Variants in FKBP9 observed in about 807,000 individuals in gnomAD.
The protein encoded by FKBP9 is peptidyl-prolyl cis-trans isomerase FKBP9.
In FKBP9, 27 loss-of-function variants were observed where a neutral mutation model predicts 55.6. The observed-to-expected ratio is 0.49, with a 90% CI of 0.36 to 0.67. The LOEUF is 0.67. Among genes scored for constraint, FKBP9 ranks in the 30% least tolerant of loss-of-function variants. The probability of loss-of-function intolerance (pLI) is 0.00; values close to 1 mark genes in which losing one functional copy is unlikely to be tolerated. For missense variants in FKBP9, 539 were observed against 742.8 expected, an observed-to-expected ratio of 0.73 and a Z score of 3.19; for synonymous variants, 267 against 296.5, an observed-to-expected ratio of 0.90 and a Z score of 1.02.
rs370178233 is a variant in FKBP9, at chr7:32,968,255, G to A, written c.222-6362G>A. ...GGTGTTTCACCAGGTTGCCTAGGCT[G>A]GTCTTGAACTCTTGGGCTCAAGCTT... is the stretch of plus-strand genomic sequence containing the variant. On this transcript the variant is annotated intron_variant, in intron 1 of 9. Coordinates refer to ENST00000242209, the MANE Select transcript of FKBP9 (RefSeq NM_007270.5). 1.6e-4 allele frequency among the ~76,000 whole-genome samples: 24 copies of A among 152,330 alleles called. No individual in the cohort carries two copies. In the East Asian group the frequency reaches 4.1e-3, roughly 26 times the overall value.
intron 1 of FKBP9, among the ~76,000 whole-genome samples, chr7:32,965,832 T>TATATATGTACAC (rs1554284331): frequency 2.3e-5 from 1 of 43,476 alleles, no homozygotes; most frequent in Non-Finnish European, 4.3e-5. Flanking sequence ...TATATATATA[T>TATATATGTACAC]ATATATATAT....
At chr7:32,973,688 T>G (rs1405326518) in intron 1 of FKBP9, among the ~76,000 whole-genome samples, 2 of 74,482 alleles carry the variant, frequency 2.7e-5, no homozygotes, top group African/African-American at 1.4e-4. Flanking sequence ...TGTTGTTTTT[T>G]TTTTTTTTTT....
intron 5 of FKBP9, among the ~76,000 whole-genome samples, chr7:32,983,897 G>A (rs549349682): frequency 3.9e-5 from 6 of 151,934 alleles, no homozygotes; most frequent in Non-Finnish European, 7.4e-5. Context: ...TTCTATTTAG[G>A]GCATTGGCAT....
intron 1 of FKBP9, among the ~76,000 whole-genome samples, chr7:32,959,612 A>G (rs185126595): frequency 6.6e-6 from 1 of 151,944 alleles, no homozygotes; most frequent in African/African-American, 2.4e-5. Context: ...TCACTCCCCA[A>G]CCCCAGTTAG....
At chr7:33,003,489 A>C (rs1239965321) in intron 9 of FKBP9, among the ~76,000 whole-genome samples, 1 of 152,142 alleles carries the variant, frequency 6.6e-6, no homozygotes, top group Non-Finnish European at 1.5e-5. Context: ...CAAAAACTTC[A>C]AAAGAATTGT....
chr7:33,002,976 C>T (rs1257316732), intron 9 of FKBP9, 137 bp downstream of exon 9: 28 of 742,394 alleles, frequency 3.8e-5, no homozygotes, highest in East Asian at 5.4e-5. Flanking sequence ...GACCAGCACA[C>T]TTGTGTGCCA....
intron 4 of FKBP9, chr7:32,979,339 T>A (rs769805253): frequency 1.5e-5 from 9 of 613,256 alleles, no homozygotes; most frequent in Non-Finnish European, 2.6e-5. Context: ...TTCTCTTAAA[T>A]GAAAAGATAC....
rs760957917 is a variant in FKBP9 at position 32,988,631 on chromosome 7, G to A, written c.1018G>A (p.Gly340Arg). Residue 340 changes from glycine to arginine, a missense_variant, in exon 6 of 10, where the codon GGG becomes AGG. Transcript: ENST00000242209. The stretch of plus-strand genomic sequence containing the variant: ...AAGGATTGTGGTCCCGCCTCACCTG[G>A]GGTATGGAGAGGAAGGAAGAGGTGA... ...KRRIVVPPHL[G>R]YGEEGRGNIP... is the part of the protein sequence containing the mutation. 1 of 1,613,938 alleles carries A rather than the reference G, an allele frequency of 6.2e-7. No individual in the cohort carries two copies. The highest frequency in any genetic ancestry group is 2.2e-5 in the East Asian group (1 of 44,872).
chr7:32,975,134 C>A (rs750618096), intron 2 of FKBP9, 48 bp from the exon 3 acceptor site: 1 of 1,502,498 alleles, frequency 6.7e-7, no homozygotes, highest in African/African-American at 1.4e-5. Flanking sequence ...ATTTATCTGG[C>A]CTGAAAGGCA....
intron 6 of FKBP9, 35 bp from the exon 7 acceptor site, chr7:32,996,128 G>A (rs762869610): frequency 1.9e-6 from 3 of 1,602,922 alleles, no homozygotes; most frequent in Admixed American, 1.7e-5. Flanking sequence ...CAGCCTGCAG[G>A]GGTCATTCAT....
intron 1 of FKBP9, among the ~76,000 whole-genome samples, chr7:32,962,302 GA>G (rs1395379378): frequency 6.6e-6 from 1 of 152,146 alleles, no homozygotes; most frequent in Non-Finnish European, 1.5e-5. Flanking sequence ...GCTGAGGCAG[GA>G]GAATCGCTTG....
At chr7:32,992,780 C>T (rs1784710327) in intron 6 of FKBP9, 1 of 224,958 alleles carries the variant, frequency 4.4e-6, no homozygotes, top group African/African-American at 2.2e-5. Context: ...CATGACCAGG[C>T]CCTGCTCACG....
In FKBP9 at chr7:33,000,213, G is replaced by A. The variant is rs771054225; in HGVS notation, c.1325G>A (p.Arg442Gln). ...AGAGAGATGTGCGTTGGCGAGAAACGGACAGTGATCATTCCGCCTCACCTG... is the reference window on the plus strand; with the variant it reads ...AGAGAGATGTGCGTTGGCGAGAAACAGACAGTGATCATTCCGCCTCACCTG... Reference protein sequence around the residue: ...GLREMCVGEKRTVIIPPHLGY... With the variant: ...GLREMCVGEKQTVIIPPHLGY... Residue 442 changes from arginine (R) to glutamine (Q), a missense_variant, in exon 8 of 10, where the codon CGG (arginine) becomes CAG (glutamine). Physicochemically the swap from Arg to Gln is conservative, Grantham distance 43. Around this residue, in one of 4 missense-constraint regions of FKBP9, gnomAD observed 102 missense variants for 200.7 expected, o/e 0.51. Coordinates refer to ENST00000242209, the MANE Select transcript of FKBP9 (RefSeq NM_007270.5). The A allele has an allele frequency of 1.7e-5, 28 of 1,613,284 alleles. No individual in the cohort carries two copies. Among genetic ancestry groups the A allele is most frequent in the East Asian group, 2.2e-5 (1 of 44,812 alleles).
At chr7:32,960,859 A>G (rs533515697) in intron 1 of FKBP9, among the ~76,000 whole-genome samples, 4 of 152,370 alleles carry the variant, frequency 2.6e-5, no homozygotes, top group African/African-American at 7.2e-5. Context: ...GAGTTCACAC[A>G]TAGTTCTTAC....
chr7:32,981,108 G>A (rs1007507004), intron 5 of FKBP9, among the ~76,000 whole-genome samples: 7 of 149,904 alleles, frequency 4.7e-5, no homozygotes, highest in African/African-American at 1.7e-4. Flanking sequence ...TGATGTCAAG[G>A]AGGTACAGTG....
intron 1 of FKBP9, among the ~76,000 whole-genome samples, chr7:32,960,448 A>C (rs1783999878): frequency 6.6e-6 from 1 of 152,096 alleles, no homozygotes; most frequent in Admixed American, 6.5e-5. Flanking sequence ...AGTGGGTGTG[A>C]AATGATATCT....
chr7:32,957,686 T>A lies in FKBP9; in HGVS notation c.113T>A (p.Ile38Asn). ...AGLGSDAELQ[I>N]ERRFVPDECP... ...CTGGGCTCCGACGCGGAGCTGCAGA[T>A]CGAGCGGCGCTTCGTGCCCGACGAG... is the stretch of plus-strand genomic sequence containing the variant. The change falls in exon 1 of 10, where the codon ATC (isoleucine) becomes AAC (asparagine). Residue 38 changes from isoleucine (I) to asparagine (N), a missense_variant. By Grantham distance (149) the Ile-to-Asn change is moderately radical. Around this residue, in one of 4 missense-constraint regions of FKBP9, gnomAD observed 236 missense variants for 271.5 expected, o/e 0.87. Transcript: ENST00000242209. 1 of 1,531,044 alleles carries A rather than the reference T, an allele frequency of 6.5e-7. No homozygotes were observed. Among genetic ancestry groups the A allele is most frequent in the Non-Finnish European group, 8.7e-7 (1 of 1,148,144 alleles). 94.8% of individuals were successfully genotyped at this position (1,531,044 alleles called of 1,614,324 possible).
intron 2 of FKBP9, 139 bp downstream of exon 2, chr7:32,974,901 A>C: frequency 1.3e-6 from 1 of 777,258 alleles, no homozygotes; most frequent in East Asian, 2.7e-5. Flanking sequence ...ATACACAGCT[A>C]AAATTTCCAT....
At chr7:32,964,068 T>A (rs532766258) in intron 1 of FKBP9, among the ~76,000 whole-genome samples, 2 of 152,320 alleles carry the variant, frequency 1.3e-5, no homozygotes, top group South Asian at 4.1e-4. Context: ...ACATGCTAAC[T>A]TAGGAGTTGT....
Sources: allele counts gnomAD v4.1 joint callset (sites outside exome capture counted in the v4.1 genomes callset), GRCh38; gene constraint gnomAD v4.1.1; regional missense constraint gnomAD v4.1.1; transcripts MANE v1.5; gene names NCBI Gene and HGNC (gene_info 2026-07-23, HGNC 2026-07-21).